The following COLEC12 variants were observed in gnomAD, a reference collection of about 807,000 sequenced individuals.
COLEC12 encodes collectin-12.
Under a neutral mutation model 71.1 loss-of-function variants are expected in COLEC12, and 33 were observed. That is an observed-to-expected ratio of 0.46 (90% CI 0.35 to 0.62). The LOEUF (loss-of-function observed/expected upper bound fraction) is 0.62. COLEC12 is among the 20% of genes least tolerant of loss of function. The pLI, the probability that COLEC12 is intolerant of heterozygous loss-of-function variation, is 0.00. For missense variants in COLEC12, 765 were observed against 916.1 expected (o/e 0.84, Z 2.13); for synonymous variants, 350 against 353.0 (o/e 0.99, Z 0.10).
chr18:415,670 T>A (rs988015310), intron 2 of COLEC12, among the ~76,000 whole-genome samples: 2 of 152,188 alleles, frequency 1.3e-5, no homozygotes, highest in African/African-American at 4.8e-5. Flanking sequence ...TACGAAGTCA[T>A]GACTTCATGA....
At position 347,218 on chromosome 18, in the gene COLEC12, G is replaced by C. The variant is rs143447500; in HGVS notation, c.404C>G (p.Thr135Arg). The C allele has an allele frequency of 3.7e-6, 6 of 1,614,014 alleles. No homozygotes were observed. The East Asian group carries it at 8.9e-5, about 24-fold the overall frequency. The part of the protein sequence containing the change: ...ITEKTSKNKD[T>R]LEKLQASGDA... ...CCCGCTCGCCTGTAACTTCTCCAGC[G>C]TATCCTTGTTCTTGCTGGTTTTTTC... The change falls in exon 5 of 10, where the codon ACG (threonine) becomes AGG (arginine). Residue 135 changes from threonine (T) to arginine (R), a missense_variant. Coordinates refer to ENST00000400256, the MANE Select transcript of COLEC12 (RefSeq NM_130386.3).
chr18:342,373 G>A (rs1038499440), intron 5 of COLEC12, among the ~76,000 whole-genome samples: 1 of 152,232 alleles, frequency 6.6e-6, no homozygotes, highest in African/African-American at 2.4e-5. Flanking sequence ...ATCTGCCTTC[G>A]GCACAGTCAG....
At chr18:340,475 G>A (rs1021327709) in intron 5 of COLEC12, among the ~76,000 whole-genome samples, 3 of 152,196 alleles carry the variant, frequency 2.0e-5, no homozygotes, top group African/African-American at 7.2e-5. Context: ...CAAAGAGGAT[G>A]GAAGACTTTA....
chr18:388,465 A>G (rs1184745842), intron 2 of COLEC12, among the ~76,000 whole-genome samples: 2 of 152,210 alleles, frequency 1.3e-5, no homozygotes, highest in Non-Finnish European at 2.9e-5. Context: ...CTGGCTTTAA[A>G]GTAGCAGCTA....
chr18:356,776 G>C (rs942280256), intron 3 of COLEC12, among the ~76,000 whole-genome samples: 1 of 152,208 alleles, frequency 6.6e-6, no homozygotes, highest in Non-Finnish European at 1.5e-5. Flanking sequence ...GTGTCTGCAA[G>C]TCTGGAGGAT....
intron 2 of COLEC12, among the ~76,000 whole-genome samples, chr18:367,121 C>T (rs1174353741): frequency 6.6e-6 from 1 of 152,216 alleles, no homozygotes; most frequent in African/African-American, 2.4e-5. Context: ...AAGATGAGAA[C>T]TGTAAACCTG....
Position 362,144 on chromosome 18 carries a change from G to C in COLEC12, c.59-4622C>G, listed in dbSNP as rs918104843. On this transcript the variant is annotated intron_variant, in intron 2 of 9. Transcript: ENST00000400256. This position sits in a 1 kb window ranked among gnomAD's most constrained non-coding sequence, Gnocchi z 4.6. Reference sequence around the variant, plus strand: ...GCCCTGTGGCCGCCAGGCATCTGGTGCATGTGGTATTCGTGCAGATCCAAG... The same window carrying C: ...GCCCTGTGGCCGCCAGGCATCTGGTCCATGTGGTATTCGTGCAGATCCAAG... 1.3e-5 allele frequency among the ~76,000 whole-genome samples: 2 copies of C among 152,198 alleles called. No individual in the cohort carries two copies. The highest frequency in any genetic ancestry group is 3.9e-4 in the East Asian group (2 of 5,186).
chr18:424,785 C>T (rs761822084), intron 2 of COLEC12, among the ~76,000 whole-genome samples: 4 of 152,176 alleles, frequency 2.6e-5, no homozygotes, highest in Non-Finnish European at 5.9e-5. Context: ...CTGTGTCAGG[C>T]CTGCATCAGG....
At chr18:402,175 GGCCCAA>G (rs530898899) in intron 2 of COLEC12, among the ~76,000 whole-genome samples, 177 of 152,208 alleles carry the variant, frequency 1.2e-3, no homozygotes, top group African/African-American at 4.2e-3. Flanking sequence ...GGTGGGACCT[GGCCCAA>G]GCAAGAGACT....
intron 8 of COLEC12, among the ~76,000 whole-genome samples, chr18:323,943 T>C (rs12955503): frequency 0.19 from 29,548 of 152,100 alleles, 3,094 homozygotes; most frequent in Middle Eastern, 0.24. Flanking sequence ...GGAGATAATC[T>C]TTATCGCCTT....
intron 2 of COLEC12, among the ~76,000 whole-genome samples, chr18:462,492 G>A (rs1917002148): frequency 1.3e-5 from 2 of 152,172 alleles, no homozygotes; most frequent in Non-Finnish European, 2.9e-5. Flanking sequence ...AAGTAGCTTA[G>A]TGGTGGCTGA....
At position 317,976 on chromosome 18, in the gene COLEC12, T is replaced by TG. The variant is rs1555611655; in HGVS notation, c.*2068_*2069insC. The TG allele has an allele frequency of 2.1e-5, 1 of 48,674 alleles. No individual in the cohort carries two copies. Among genetic ancestry groups the TG allele is most frequent in the Non-Finnish European group, 5.5e-5 (1 of 18,322 alleles). 3.0% of individuals were successfully genotyped at this position (48,674 alleles called of 1,614,324 possible). A position where few individuals can be genotyped will look rare whatever the true frequency, so the allele number is the denominator to read the frequency against. Reference sequence around the variant, plus strand: ...TGGGAAAGTCAAACTCTGTCTTTATTCTTTTTTTTTTTTCTTTTTGAGATG... The same window carrying TG: ...TGGGAAAGTCAAACTCTGTCTTTATTGCTTTTTTTTTTTTCTTTTTGAGATG... On this transcript the variant is annotated 3_prime_UTR_variant, in exon 10 of 10. Transcript: ENST00000400256.
chr18:387,109 C>A (rs1377235434), intron 2 of COLEC12, among the ~76,000 whole-genome samples: 1 of 152,216 alleles, frequency 6.6e-6, no homozygotes, highest in Non-Finnish European at 1.5e-5. Flanking sequence ...TATGGCAACA[C>A]CACTGAGCTC....
At chr18:443,064 C>G (rs893711042) in intron 2 of COLEC12, among the ~76,000 whole-genome samples, 5 of 152,236 alleles carry the variant, frequency 3.3e-5, no homozygotes, top group Non-Finnish European at 7.3e-5. Context: ...TGTGTCAAGA[C>G]TGTCTTATAT....
At chr18:329,032 G>A (rs141210658) in intron 8 of COLEC12, among the ~76,000 whole-genome samples, 1 of 152,292 alleles carries the variant, frequency 6.6e-6, no homozygotes, top group Non-Finnish European at 1.5e-5. Flanking sequence ...GGTGGCTGGG[G>A]TGCAGAAGCT....
chr18:475,645 C>T (rs1305683526), intron 2 of COLEC12, among the ~76,000 whole-genome samples: 4 of 152,210 alleles, frequency 2.6e-5, no homozygotes, highest in Non-Finnish European at 5.9e-5. Context: ...AAAGCAGACA[C>T]TCGCCATGTG....
chr18:342,384 T>C (rs1027326489), intron 5 of COLEC12, among the ~76,000 whole-genome samples: 6 of 152,272 alleles, frequency 3.9e-5, no homozygotes, highest in African/African-American at 1.4e-4. Flanking sequence ...GCACAGTCAG[T>C]CAGCTTCAGC....
intron 3 of COLEC12, among the ~76,000 whole-genome samples, chr18:356,538 C>A (rs564472442): frequency 1.3e-5 from 2 of 152,284 alleles, no homozygotes; most frequent in South Asian, 4.1e-4. Context: ...CACTTGGAGT[C>A]TTTCTTTTCC....
intron 2 of COLEC12, among the ~76,000 whole-genome samples, chr18:413,194 AAG>A (rs1915925108): frequency 6.6e-6 from 1 of 152,232 alleles, no homozygotes; most frequent in Admixed American, 6.5e-5. Flanking sequence ...AGAAGACATG[AAG>A]AGACATTTGA....
Sources: gnomAD v4.1 joint callset for allele counts (sites outside exome capture counted in the v4.1 genomes callset) on GRCh38, gnomAD v4.1.1 for gene constraint, Gnocchi (gnomAD v3.1) non-coding constraint, MANE v1.5 for transcripts, NCBI Gene and HGNC (gene_info 2026-07-23, HGNC 2026-07-21) for gene names.